Variants in SCEL observed in about 807,000 individuals in gnomAD.
SCEL encodes the protein sciellin.
SCEL carries 113 observed loss-of-function variants against 117.6 expected under a neutral mutation model. That is an observed-to-expected ratio of 0.96 (90% CI 0.83 to 1.12). The LOEUF is 1.12. Ranked by LOEUF, SCEL falls within the 50% of genes most tolerant of loss-of-function variation. SCEL has a pLI of 0.00. For missense variants in SCEL, 785 were observed against 810.8 expected, an observed-to-expected ratio of 0.97 and a Z score of 0.39; for synonymous variants, 270 against 256.2, an observed-to-expected ratio of 1.05 and a Z score of -0.51.
At chr13:77,626,059 G>A (rs1330622082) in intron 27 of SCEL, among the ~76,000 whole-genome samples, 1 of 152,172 alleles carries the variant, frequency 6.6e-6, no homozygotes, top group Non-Finnish European at 1.5e-5. Context: ...ACATATCCAA[G>A]ACTGGGTAAT....
rs553002029 is a variant in SCEL at position 77,591,323 on chromosome 13, A to G, written c.627-72A>G. The G allele has an allele frequency of 1.0e-4, 97 of 937,390 alleles. No individual in the cohort carries two copies. In the African/African-American group the frequency reaches 1.5e-3, roughly 15 times the overall value. 58.1% of individuals were successfully genotyped at this position (937,390 alleles called of 1,614,324 possible). A position where few individuals can be genotyped will look rare whatever the true frequency, so the allele number is the denominator to read the frequency against. On this transcript the variant is annotated intron_variant, in intron 10 of 32. Coordinates refer to ENST00000349847, the MANE Select transcript of SCEL (RefSeq NM_144777.3). ...TGATCTTTTTGTACATAAATTTTTTAAAATAAATTTCAATTTATCAAAAAG... is the reference window on the plus strand; with the variant it reads ...TGATCTTTTTGTACATAAATTTTTTGAAATAAATTTCAATTTATCAAAAAG...
chr13:77,569,369 A>G lies in SCEL; in HGVS notation c.399-2A>G, dbSNP rs1431540936. On this transcript the variant is annotated splice_acceptor_variant, in intron 7 of 32. Transcript: ENST00000349847. LOFTEE classifies it high-confidence loss of function. ...TTAATTGTTGTTCTTGTCATTAAAC[A>G]GGCAACCTGGCGGTTCATTGAATGC... The G allele has an allele frequency of 6.2e-7, 1 of 1,612,726 alleles. No individual in the cohort carries two copies. The highest frequency in any genetic ancestry group is 8.5e-7 in the Non-Finnish European group (1 of 1,178,926).
At chr13:77,628,182 A>G (rs1275194876) in intron 28 of SCEL, among the ~76,000 whole-genome samples, 173 bp downstream of exon 28, 1 of 149,120 alleles carries the variant, frequency 6.7e-6, no homozygotes, top group Non-Finnish European at 1.5e-5. Flanking sequence ...ATATATATAT[A>G]TATATATATC....
At chr13:77,637,287 CACAT>C in intron 30 of SCEL, 93 bp downstream of exon 30, 1 of 212,608 alleles carries the variant, frequency 4.7e-6, no homozygotes, top group Non-Finnish European at 8.8e-6. Flanking sequence ...CAGGCACACA[CACAT>C]ATATATAAAT....
chr13:77,634,684 T>G (rs1206279237), intron 29 of SCEL, among the ~76,000 whole-genome samples: 2 of 152,228 alleles, frequency 1.3e-5, no homozygotes, highest in South Asian at 2.1e-4. Context: ...ATAACACATG[T>G]ATACATAATA....
At chr13:77,542,964 G>C (rs1396258708) in intron 1 of SCEL, among the ~76,000 whole-genome samples, 3 of 152,006 alleles carry the variant, frequency 2.0e-5, no homozygotes, top group Non-Finnish European at 2.9e-5. Context: ...CACTGTTACC[G>C]CACCCTGAAA....
At chr13:77,590,067 T>C (rs559299404) in intron 10 of SCEL, among the ~76,000 whole-genome samples, 24 of 152,282 alleles carry the variant, frequency 1.6e-4, no homozygotes, top group African/African-American at 5.3e-4. Flanking sequence ...TCTTCGATGG[T>C]GATTTTTTTG....
chr13:77,601,091 T>C (rs1455477365), intron 15 of SCEL, among the ~76,000 whole-genome samples: 1 of 149,638 alleles, frequency 6.7e-6, no homozygotes, highest in Non-Finnish European at 1.5e-5. Context: ...AAATGTGGAA[T>C]AGATGAAGTT....
intron 1 of SCEL, among the ~76,000 whole-genome samples, chr13:77,549,481 C>G (rs567865945): frequency 7.2e-5 from 11 of 152,174 alleles, no homozygotes; most frequent in African/African-American, 2.7e-4. Flanking sequence ...TCTGCTATAC[C>G]CCATTGTTAG....
At chr13:77,574,260 T>G (rs2085808201) in intron 9 of SCEL, among the ~76,000 whole-genome samples, 1 of 152,180 alleles carries the variant, frequency 6.6e-6, no homozygotes, top group Non-Finnish European at 1.5e-5. Flanking sequence ...CTGATGGGAC[T>G]TGGCTCTATG....
At chr13:77,585,912 A>G (rs963887181) in intron 9 of SCEL, among the ~76,000 whole-genome samples, 4 of 152,120 alleles carry the variant, frequency 2.6e-5, no homozygotes, top group Non-Finnish European at 5.9e-5. Flanking sequence ...CTGTCTCTCA[A>G]TAAGGGCTGT....
chr13:77,586,471 T>C (rs947315512), intron 9 of SCEL, among the ~76,000 whole-genome samples: 1 of 152,070 alleles, frequency 6.6e-6, no homozygotes, highest in Admixed American at 6.6e-5. Context: ...CCACTACTCA[T>C]ATTCTCATTT....
At position 77,604,371 on chromosome 13, in the gene SCEL, T is replaced by C. The variant is rs538831014; in HGVS notation, c.1113T>C (p.Asp371=). 2 of 1,576,230 alleles carry C rather than the reference T, an allele frequency of 1.3e-6. No homozygotes were observed. Among genetic ancestry groups the C allele is most frequent in the East Asian group, 2.3e-5 (1 of 43,136 alleles). ...TTTTTCAAAGAAAAAAAGACCTTGA[T>C]GGGCTTATTAAAGTGGATCCTGAAA... ...HENTTGKKDL[D]GLIKVDPETN... The change falls in exon 19 of 33, where the codon GAT becomes GAC. Residue 371 remains aspartate (D), a synonymous_variant. Coordinates refer to ENST00000349847, the MANE Select transcript of SCEL (RefSeq NM_144777.3).
At position 77,578,516 on chromosome 13, in the gene SCEL, A is replaced by G. The variant is rs1381691651; in HGVS notation, c.545+6327A>G. On this transcript the variant is annotated intron_variant, in intron 9 of 32. Transcript: ENST00000349847. ...TGAATGTACAAATAACCATACCATA[A>G]GATCAACTGTGGGGGCATGAGAAGA... Among the ~76,000 whole-genome samples, 6 of 152,302 alleles carry G rather than the reference A, an allele frequency of 3.9e-5. No individual in the cohort carries two copies. The East Asian group carries it at 9.6e-4, about 24-fold the overall frequency.
At chr13:77,639,299 T>C (rs2090449026) in intron 30 of SCEL, among the ~76,000 whole-genome samples, 1 of 152,216 alleles carries the variant, frequency 6.6e-6, no homozygotes, top group South Asian at 2.1e-4. Flanking sequence ...ATTTGCTAGG[T>C]AGCTATAAGC....
At chr13:77,635,266 C>A (rs1354931875) in intron 29 of SCEL, among the ~76,000 whole-genome samples, 2 of 152,186 alleles carry the variant, frequency 1.3e-5, no homozygotes. Context: ...ATCCAATTCT[C>A]ACTCTCTGGC....
chr13:77,601,266 G>A (rs2087665158), intron 15 of SCEL, among the ~76,000 whole-genome samples: 1 of 152,068 alleles, frequency 6.6e-6, no homozygotes, highest in East Asian at 1.9e-4. Context: ...TTGTGGGCTG[G>A]GAAAAAGATT....
At chr13:77,580,424 G>A (rs1042527134) in intron 9 of SCEL, among the ~76,000 whole-genome samples, 10 of 152,184 alleles carry the variant, frequency 6.6e-5, no homozygotes, top group African/African-American at 2.2e-4. Context: ...GGGAATAATA[G>A]GAGCCATCTG....
intron 28 of SCEL, among the ~76,000 whole-genome samples, chr13:77,630,641 A>G (rs1184980699): frequency 2.6e-5 from 4 of 152,208 alleles, no homozygotes; most frequent in African/African-American, 2.4e-5. Flanking sequence ...ATCATTTTAT[A>G]TTCTCACACG....
Sources: gnomAD v4.1 joint callset for allele counts (sites outside exome capture counted in the v4.1 genomes callset) on GRCh38, gnomAD v4.1.1 for gene constraint, MANE v1.5 for transcripts, NCBI Gene and HGNC (gene_info 2026-07-23, HGNC 2026-07-21) for gene names.